The following BCOR variants were observed in gnomAD, a reference collection of about 807,000 sequenced individuals.
BCOR encodes the protein BCL6 corepressor.
BCOR carries 10 observed loss-of-function variants against 86.7 expected under a neutral mutation model. The observed-to-expected ratio is 0.12, with a 90% CI of 0.07 to 0.20. The LOEUF (loss-of-function observed/expected upper bound fraction) is 0.20. Among genes scored for constraint, BCOR ranks in the 10% least tolerant of loss-of-function variants. The pLI is 1.00. For missense variants in BCOR, 1,259 were observed against 1,452.1 expected (o/e 0.87, Z 2.16); for synonymous variants, 611 against 609.0 (o/e 1.00, Z -0.05).
intron 1 of BCOR, among the ~76,000 whole-genome samples, chrX:40,124,597 C>A (rs1043883537): frequency 1.8e-5 from 2 of 109,787 alleles, no homozygotes; most frequent in African/African-American, 3.3e-5. Context: ...AAAATCAATT[C>A]TATTCCACAA....
At chrX:40,092,650 C>T (rs1472528137) in intron 1 of BCOR, among the ~76,000 whole-genome samples, 1 of 111,038 alleles carries the variant, frequency 9.0e-6, no homozygotes, top group Non-Finnish European at 1.9e-5. Context: ...GCTACACGAT[C>T]CAGCCACTCA....
chrX:40,096,011 C>G (rs1010968400), intron 1 of BCOR, among the ~76,000 whole-genome samples: 3 of 112,501 alleles, frequency 2.7e-5, no homozygotes, highest in Non-Finnish European at 5.7e-5. Context: ...TCTCCGTAAA[C>G]AGCAGGCGCT....
intron 1 of BCOR, among the ~76,000 whole-genome samples, chrX:40,138,943 G>GGGGGAAGTAAGGTGGCGAGAGTA (rs2147937026): frequency 9.0e-6 from 1 of 110,991 alleles, no homozygotes; most frequent in African/African-American, 3.3e-5. Context: ...TTTCACAGAT[G>GGGGGAAGTAAGGTGGCGAGAGTA]GGGGAAGTAA....
intron 1 of BCOR, among the ~76,000 whole-genome samples, chrX:40,138,960 G>A (rs1937750273): frequency 1.8e-5 from 2 of 110,690 alleles, no homozygotes; most frequent in Non-Finnish European, 3.8e-5. Context: ...GTAAGGTGGC[G>A]AGAGTAACTG....
At chrX:40,137,348 A>G (rs1937701834) in intron 1 of BCOR, among the ~76,000 whole-genome samples, 1 of 110,397 alleles carries the variant, frequency 9.1e-6, no homozygotes, top group Non-Finnish European at 1.9e-5. Flanking sequence ...GGAGTTCGAG[A>G]CCAGCCTGGC....
intron 6 of BCOR, among the ~76,000 whole-genome samples, chrX:40,065,065 C>T (rs760345348): frequency 8.9e-6 from 1 of 111,852 alleles, no homozygotes; most frequent in Non-Finnish European, 1.9e-5. Flanking sequence ...TGTCATCTAT[C>T]GAAGGGATAA....
chrX:40,165,399 C>A (rs968292587), intron 1 of BCOR, among the ~76,000 whole-genome samples: 3 of 112,407 alleles, frequency 2.7e-5, no homozygotes, highest in Non-Finnish European at 5.6e-5. Context: ...AAGCCAGCAC[C>A]AACTGGGATT....
chrX:40,062,851 C>T lies in BCOR; in HGVS notation c.4068G>A (p.Lys1356=), dbSNP rs1934964467. The change falls in exon 9 of 15, where the codon AAG becomes AAA. Residue 1356 remains lysine (K), a synonymous_variant. Transcript: ENST00000378444. ...LLQKYTDNSE[K]PSGKRLCKTK... is the part of the protein sequence containing the mutation. ...TTTTGCACAGTCTCTTCCCGGATGGCTTCTCGCTGTTGTCGGTGTATTTCT... is the reference window on the plus strand; with the variant it reads ...TTTTGCACAGTCTCTTCCCGGATGGTTTCTCGCTGTTGTCGGTGTATTTCT... 1.7e-6 allele frequency: 2 copies of T among 1,211,758 alleles called. No homozygotes were observed. Among genetic ancestry groups the T allele is most frequent in the East Asian group, 5.9e-5 (2 of 33,852 alleles).
intron 1 of BCOR, among the ~76,000 whole-genome samples, chrX:40,109,637 G>GGAGCCCCC (rs1353296432): frequency 9.1e-6 from 1 of 110,410 alleles, no homozygotes; most frequent in Non-Finnish European, 1.9e-5. Context: ...GCGGAGCCCC[G>GGAGCCCCC]GAGCCCCCGC....
At chrX:40,064,054 G>A in intron 7 of BCOR, 102 bp from the exon 8 acceptor site, 1 of 659,042 alleles carries the variant, frequency 1.5e-6, no homozygotes, top group Non-Finnish European at 2.3e-6. Context: ...TGTGGTCACT[G>A]GTCTCTGCTT....
At chrX:40,052,507 A>C in intron 14 of BCOR, 107 bp from the exon 15 acceptor site, 1 of 664,417 alleles carries the variant, frequency 1.5e-6, no homozygotes, top group Non-Finnish European at 2.3e-6. Context: ...ATGTCCTTTC[A>C]TTCTGCTCCC....
Position 40,073,572 on chromosome X carries a change from G to C in BCOR, c.1774C>G (p.Pro592Ala). The part of the protein sequence containing the change: ...KTSRSSVETT[P>A]SVIQHVGQPP... ...TGGCCCACGTGCTGAATAACGGATG[G>C]TGTGGTTTCTACAGAGCTCCTGCTG... Residue 592 changes from proline (P) to alanine (A), a missense_variant, in exon 4 of 15, where the codon CCA (proline) becomes GCA (alanine). Around this residue, in one of 7 missense-constraint regions of BCOR, gnomAD observed 534 missense variants for 594.8 expected, o/e 0.90. Coordinates refer to ENST00000378444, the MANE Select transcript of BCOR (RefSeq NM_001123385.2). 6.6e-6 allele frequency: 8 copies of C among 1,212,294 alleles called. No homozygotes were observed. Among genetic ancestry groups the C allele is most frequent in the Non-Finnish European group, 7.8e-6 (7 of 895,665 alleles).
rs1175694177 is a variant in BCOR, at chrX:40,097,941, G to A, written c.-767C>T. 9.1e-6 allele frequency among the ~76,000 whole-genome samples: 1 copy of A among 110,285 alleles called. No individual in the cohort carries two copies. The highest frequency in any genetic ancestry group is 3.3e-5 in the African/African-American group (1 of 30,316). On this transcript the variant is annotated 5_prime_UTR_variant, in exon 1 of 15. Transcript: ENST00000378444. ...GCAGCTCTGCCTCACCTTGCCGCTG[G>A]GAGCCCAGGCTCCGTCTGCCGCCGC... is the stretch of plus-strand genomic sequence containing the variant.
Position 40,161,217 on chromosome X carries a change from G to GT in BCOR, c.-41+15789dup, listed in dbSNP as rs1412222271. Reference sequence around the variant, plus strand: ...TTTGGGGTTTTTTTTTGTTTTTTGGGTTTTTTTGAGACGTCGTCTCACTCT... The same window carrying GT: ...TTTGGGGTTTTTTTTTGTTTTTTGGGTTTTTTTTGAGACGTCGTCTCACTCT... On this transcript the variant is annotated intron_variant, in intron 1 of 14. Transcript: ENST00000342274. Among the ~76,000 whole-genome samples, 6 of 99,932 alleles carry GT rather than the reference G, an allele frequency of 6.0e-5. No individual in the cohort carries two copies. The East Asian group carries it at 9.6e-4, about 16-fold the overall frequency. The allele number at this position is 99,932 out of a possible 115,157, so 86.8% of individuals were successfully genotyped here. A position where few individuals can be genotyped will look rare whatever the true frequency, so the allele number is the denominator to read the frequency against.
intron 5 of BCOR, 59 bp downstream of exon 5, chrX:40,071,578 T>G: frequency 3.4e-6 from 3 of 883,354 alleles, no homozygotes; most frequent in Non-Finnish European, 5.0e-6. Flanking sequence ...TATTTGGAAA[T>G]GAAATTTAAC....
intron 1 of BCOR, among the ~76,000 whole-genome samples, chrX:40,083,076 G>A (rs1281794074): frequency 3.6e-5 from 4 of 109,743 alleles, no homozygotes; most frequent in African/African-American, 1.3e-4. Context: ...GTCAAGGAAG[G>A]GAGGGGTGAA....
upstream of BCOR, among the ~76,000 whole-genome samples, chrX:40,101,811 C>G (rs1937079037): frequency 8.9e-6 from 1 of 112,753 alleles, no homozygotes; most frequent in Non-Finnish European, 1.9e-5. Flanking sequence ...TCCGATGGTC[C>G]TCCTCGGAGG....
At chrX:40,151,500 C>T (rs959164547) in intron 1 of BCOR, among the ~76,000 whole-genome samples, 13 of 112,744 alleles carry the variant, frequency 1.2e-4, no homozygotes, top group South Asian at 3.6e-4. Flanking sequence ...GGCACGAAGC[C>T]TCACAGTTCC....
chrX:40,062,499 T>C, intron 9 of BCOR, 106 bp from the exon 10 acceptor site: 2 of 1,037,378 alleles, frequency 1.9e-6, no homozygotes, highest in Non-Finnish European at 2.6e-6. Flanking sequence ...GAGAGGCACT[T>C]TATTCCTTAT....
Sources: allele counts gnomAD v4.1 joint callset (sites outside exome capture counted in the v4.1 genomes callset), GRCh38; gene constraint gnomAD v4.1.1; regional missense constraint gnomAD v4.1.1; transcripts MANE v1.5; gene names NCBI Gene and HGNC (gene_info 2026-07-23, HGNC 2026-07-21).